SPHKAP: variants seen among roughly 807,000 people sequenced by gnomAD.
The protein encoded by SPHKAP is SPHK1 interactor, AKAP domain containing, also known as A-kinase anchor protein SPHKAP.
A neutral mutation model predicts 137.5 loss-of-function variants in SPHKAP; 67 were observed. The observed-to-expected ratio is 0.49, with a 90% CI of 0.40 to 0.60. The LOEUF (loss-of-function observed/expected upper bound fraction) is 0.60. Ranked by LOEUF, SPHKAP falls within the 20% of genes least tolerant of loss-of-function variation. The pLI is 0.00. For missense variants in SPHKAP, 2,097 were observed against 2,069.3 expected (o/e 1.01, Z -0.26); for synonymous variants, 813 against 785.3 (o/e 1.04, Z -0.59).
Position 228,017,080 on chromosome 2 carries a change from GTTGGCTT to G in SPHKAP, c.3767_3773del (p.Lys1256ThrfsTer3), listed in dbSNP as rs773694163. The G allele has an allele frequency of 1.1e-5, 17 of 1,614,168 alleles. No homozygotes were observed. The highest frequency in any genetic ancestry group is 1.4e-5 in the Non-Finnish European group (17 of 1,180,042). On this transcript the variant is annotated frameshift_variant, in exon 7 of 12. Coordinates refer to ENST00000392056, the MANE Select transcript of SPHKAP (RefSeq NM_001142644.2). LOFTEE classifies it high-confidence loss of function. Reference sequence around the variant, plus strand: ...AGTTCTGAGCAAAGCCATCTAAAGAGTTGGCTTTGATGGGCACATTCACTGTCAGCCT... The same window carrying G: ...AGTTCTGAGCAAAGCCATCTAAAGAGTGATGGGCACATTCACTGTCAGCCT...
At chr2:228,104,300 T>TATAATAATATTAATAATATAATATTAA (rs1698270948) in intron 3 of SPHKAP, among the ~76,000 whole-genome samples, 3 of 144,366 alleles carry the variant, frequency 2.1e-5, no homozygotes, top group Non-Finnish European at 4.5e-5. Flanking sequence ...TCATATATTA[T>TATAATAATATTAATAATATAATATTAA]ATAATAATAT....
Position 227,979,998 on chromosome 2 carries a change from A to T in SPHKAP, c.*1719T>A, listed in dbSNP as rs1334019197. 6.6e-6 allele frequency: 1 copy of T among 152,668 alleles called. No homozygotes were observed. Among genetic ancestry groups the T allele is most frequent in the Non-Finnish European group, 1.5e-5 (1 of 68,038 alleles). The allele number at this position is 152,668 out of a possible 1,614,324, so 9.5% of individuals were successfully genotyped here. On this transcript the variant is annotated 3_prime_UTR_variant, in exon 12 of 12. Coordinates refer to ENST00000392056, the MANE Select transcript of SPHKAP (RefSeq NM_001142644.2). ...TTGATTAATTTGCAATGTTAGGTAC[A>T]ACATAGATAACTTCATCACATGGTT... is the stretch of plus-strand genomic sequence containing the variant.
At chr2:228,178,073 A>C (rs1700791626) in intron 1 of SPHKAP, among the ~76,000 whole-genome samples, 1 of 152,186 alleles carries the variant, frequency 6.6e-6, no homozygotes, top group Admixed American at 6.5e-5. Flanking sequence ...TGTTGGCTTT[A>C]AAAGATGGTC....
chr2:228,027,003 T>C (rs1695066427), intron 4 of SPHKAP, among the ~76,000 whole-genome samples: 1 of 152,182 alleles, frequency 6.6e-6, no homozygotes. Flanking sequence ...GAGGACTGAA[T>C]AGATCTTCAA....
chr2:227,981,750 C>T lies in SPHKAP; in HGVS notation c.5070G>A (p.Leu1690=), dbSNP rs769486635. The T allele has an allele frequency of 3.1e-6, 5 of 1,613,616 alleles. No individual in the cohort carries two copies. The African/African-American group carries it at 5.3e-5, about 17-fold the overall frequency. ...GTTCCAAGAGCCAGTCAAAGAGACT[C>T]AGTCTCCCATCCTTCTGCTCCTCAT... is the stretch of plus-strand genomic sequence containing the variant. ...KMHEEQKDGR[L]SLFDWLLELG The change falls in exon 12 of 12, where the codon CTG becomes CTA. Residue 1690 remains leucine (L), a synonymous_variant. Transcript: ENST00000392056.
chr2:228,007,479 C>T (rs947669882), intron 7 of SPHKAP, among the ~76,000 whole-genome samples: 1 of 152,068 alleles, frequency 6.6e-6, no homozygotes, highest in Non-Finnish European at 1.5e-5. Flanking sequence ...CCACCTCCCC[C>T]AGTCCCCAGC....
At chr2:228,000,339 C>T (rs535110657) in intron 7 of SPHKAP, among the ~76,000 whole-genome samples, 2 of 152,228 alleles carry the variant, frequency 1.3e-5, no homozygotes, top group Admixed American at 6.5e-5. Context: ...AATTAGTCGG[C>T]CGGGCACGGT....
chr2:227,982,616 T>C (rs1693042507), intron 11 of SPHKAP, among the ~76,000 whole-genome samples: 1 of 152,214 alleles, frequency 6.6e-6, no homozygotes, highest in South Asian at 2.1e-4. Context: ...AGGTACTTTT[T>C]TGAGGAAAGA....
At chr2:228,145,316 G>C (rs1699742344) in intron 1 of SPHKAP, among the ~76,000 whole-genome samples, 1 of 152,064 alleles carries the variant, frequency 6.6e-6, no homozygotes, top group African/African-American at 2.4e-5. Context: ...AGGATTTATT[G>C]AGCCCTTTGT....
chr2:228,157,181 C>A (rs1195781256), intron 1 of SPHKAP, among the ~76,000 whole-genome samples: 1 of 152,128 alleles, frequency 6.6e-6, no homozygotes, highest in African/African-American at 2.4e-5. Context: ...AATATTTTCA[C>A]ATAAGTTGAT....
intron 3 of SPHKAP, among the ~76,000 whole-genome samples, chr2:228,063,673 C>T (rs555655875): frequency 6.6e-6 from 1 of 152,238 alleles, no homozygotes; most frequent in East Asian, 1.9e-4. Context: ...TGAAACACGA[C>T]AGAGTTTAGG....
At chr2:228,162,513 A>G (rs1432298445) in intron 1 of SPHKAP, among the ~76,000 whole-genome samples, 2 of 152,194 alleles carry the variant, frequency 1.3e-5, no homozygotes, top group African/African-American at 4.8e-5. Context: ...TCATGCAGCT[A>G]TTCAAAAGTT....
At chr2:228,151,427 A>G (rs373296673) in intron 1 of SPHKAP, among the ~76,000 whole-genome samples, 3 of 152,096 alleles carry the variant, frequency 2.0e-5, no homozygotes, top group East Asian at 3.9e-4. Context: ...AGCATGATTT[A>G]TAGTCCTTTG....
chr2:228,057,525 C>CA (rs1456949657), intron 3 of SPHKAP, among the ~76,000 whole-genome samples: 2 of 151,610 alleles, frequency 1.3e-5, no homozygotes, highest in Non-Finnish European at 2.9e-5. Flanking sequence ...ACACTGAACG[C>CA]AAAAAAGAGG....
At chr2:228,148,524 C>T (rs749647868) in intron 1 of SPHKAP, among the ~76,000 whole-genome samples, 2 of 152,214 alleles carry the variant, frequency 1.3e-5, no homozygotes, top group East Asian at 1.9e-4. Context: ...TAAACAAGGA[C>T]GCTTGCAAGG....
At chr2:228,014,025 A>G (rs886377569) in intron 7 of SPHKAP, among the ~76,000 whole-genome samples, 2 of 152,178 alleles carry the variant, frequency 1.3e-5, no homozygotes, top group Non-Finnish European at 2.9e-5. Flanking sequence ...TTATTCATAC[A>G]TATTTCCAGT....
chr2:228,144,124 T>G lies in SPHKAP; in HGVS notation c.33-12039A>C, dbSNP rs145907018. On this transcript the variant is annotated intron_variant, in intron 1 of 11. Transcript: ENST00000392056. ...CAGGACTTTCTCAAATGTCACCTTC[T>G]CAATGAGACTTCCTCTGACTCCCCT... 8.1e-4 allele frequency among the ~76,000 whole-genome samples: 123 copies of G among 152,318 alleles called. 1 individual carries two copies. Among genetic ancestry groups the G allele is most frequent in the Non-Finnish European group, 1.2e-3 (82 of 68,032 alleles).
intron 1 of SPHKAP, among the ~76,000 whole-genome samples, chr2:228,154,484 C>CTCTCTCTCTCTCTCTCTA (rs1700036379): frequency 3.1e-5 from 1 of 32,514 alleles, no homozygotes; most frequent in African/African-American, 1.3e-4. Context: ...TAAATAAACT[C>CTCTCTCTCTCTCTCTCTA]TCTCTCTCTC....
At chr2:227,994,295 C>T (rs960860597) in intron 8 of SPHKAP, among the ~76,000 whole-genome samples, 4 of 152,146 alleles carry the variant, frequency 2.6e-5, no homozygotes, top group Non-Finnish European at 2.9e-5. Context: ...GCATCATGTT[C>T]ATAGGCTGCA....
Sources: gnomAD v4.1 joint callset for allele counts (sites outside exome capture counted in the v4.1 genomes callset) on GRCh38, gnomAD v4.1.1 for gene constraint, MANE v1.5 for transcripts, NCBI Gene and HGNC (gene_info 2026-07-23, HGNC 2026-07-21) for gene names.